MYO1D: variants seen among roughly 807,000 people sequenced by gnomAD.
MYO1D encodes myosin ID.
In MYO1D, 83 loss-of-function variants were observed where a neutral mutation model predicts 122.0. The observed-to-expected ratio is 0.68, with a 90% CI of 0.57 to 0.82. The LOEUF is 0.82. Ranked by LOEUF, MYO1D falls within the 40% of genes least tolerant of loss-of-function variation. The pLI, the probability that MYO1D is intolerant of heterozygous loss-of-function variation, is 0.00. For missense variants in MYO1D, 1,157 were observed against 1,269.5 expected, an observed-to-expected ratio of 0.91 and a Z score of 1.35; for synonymous variants, 464 against 446.9, an observed-to-expected ratio of 1.04 and a Z score of -0.48.
intron 16 of MYO1D, among the ~76,000 whole-genome samples, chr17:32,705,996 A>G (rs1267756494): frequency 6.6e-6 from 1 of 152,208 alleles, no homozygotes; most frequent in Non-Finnish European, 1.5e-5. Context: ...CTGTGAGTCA[A>G]TTAAACCTCT....
At chr17:32,724,689 C>T (rs1352321693) in intron 14 of MYO1D, among the ~76,000 whole-genome samples, 1 of 152,106 alleles carries the variant, frequency 6.6e-6, no homozygotes, top group Non-Finnish European at 1.5e-5. Flanking sequence ...CACAGGTAAA[C>T]CCCTCTCACT....
At chr17:32,635,899 G>T (rs1026386042) in intron 20 of MYO1D, among the ~76,000 whole-genome samples, 4 of 152,072 alleles carry the variant, frequency 2.6e-5, no homozygotes, top group Non-Finnish European at 4.4e-5. Context: ...TTTCCGATTT[G>T]ATTTTGAAAC....
intron 14 of MYO1D, among the ~76,000 whole-genome samples, chr17:32,736,984 C>T (rs1387621065): frequency 6.6e-6 from 1 of 152,106 alleles, no homozygotes; most frequent in Non-Finnish European, 1.5e-5. Context: ...TGCTTATATG[C>T]GGTCACTTGA....
At chr17:32,610,402 T>C in intron 20 of MYO1D, among the ~76,000 whole-genome samples, 1 of 152,244 alleles carries the variant, frequency 6.6e-6, no homozygotes, top group Non-Finnish European at 1.5e-5. Context: ...ACACAAATAA[T>C]GAAAGATTAA....
intron 1 of MYO1D, among the ~76,000 whole-genome samples, chr17:32,847,920 G>T (rs900796810): frequency 6.6e-6 from 1 of 152,152 alleles, no homozygotes; most frequent in African/African-American, 2.4e-5. Context: ...AAGAACCAAA[G>T]ATTGTTTATA....
In MYO1D at chr17:32,775,751, A is replaced by G. The variant is rs2090165435; in HGVS notation, c.564+113T>C. 8.8e-6 allele frequency: 8 copies of G among 908,710 alleles called. No individual in the cohort carries two copies. The South Asian group carries it at 1.4e-4, about 16-fold the overall frequency. The allele number at this position is 908,710 out of a possible 1,614,324, so 56.3% of individuals were successfully genotyped here. A position where few individuals can be genotyped will look rare whatever the true frequency, so the allele number is the denominator to read the frequency against. ...CCTTATCATAAAAAGCTAATGAAGA[A>G]GGGAGAATAGGATTTAAAGCTATTT... is the stretch of plus-strand genomic sequence containing the variant. On this transcript the variant is annotated intron_variant, in intron 4 of 21. Coordinates refer to ENST00000318217, the MANE Select transcript of MYO1D (RefSeq NM_015194.3).
chr17:32,607,827 C>T (rs1241762500), intron 20 of MYO1D, among the ~76,000 whole-genome samples: 2 of 151,850 alleles, frequency 1.3e-5, no homozygotes, highest in Non-Finnish European at 2.9e-5. Context: ...AGATCAGAAA[C>T]AGACTCACGT....
intron 20 of MYO1D, among the ~76,000 whole-genome samples, chr17:32,609,191 T>C (rs2087668305): frequency 6.6e-6 from 1 of 152,248 alleles, no homozygotes; most frequent in African/African-American, 2.4e-5. Context: ...TTTTGATCTC[T>C]AGATATTCTA....
At chr17:32,862,908 G>A (rs2091090136) in intron 1 of MYO1D, 2 of 152,304 alleles carry the variant, frequency 1.3e-5, no homozygotes, top group South Asian at 4.1e-4. Flanking sequence ...ACTCACCTGG[G>A]CACTAAGGAG....
chr17:32,514,317 T>C (rs1449353492), intron 21 of MYO1D, among the ~76,000 whole-genome samples: 1 of 147,100 alleles, frequency 6.8e-6, no homozygotes, highest in African/African-American at 2.5e-5. Context: ...GGTCTTGAAC[T>C]CCTGGGCTCA....
At chr17:32,835,030 C>CA (rs1285873342) in intron 1 of MYO1D, among the ~76,000 whole-genome samples, 1 of 151,966 alleles carries the variant, frequency 6.6e-6, no homozygotes, top group Non-Finnish European at 1.5e-5. Context: ...AACAAACAAA[C>CA]AAAAAACCAC....
At chr17:32,663,822 T>G (rs1273959886) in intron 16 of MYO1D, among the ~76,000 whole-genome samples, 1 of 152,166 alleles carries the variant, frequency 6.6e-6, no homozygotes, top group Non-Finnish European at 1.5e-5. Flanking sequence ...TTTTCAGAAT[T>G]TCCTCCTTGT....
At chr17:32,732,651 G>T (rs1399835137) in intron 14 of MYO1D, among the ~76,000 whole-genome samples, 1 of 152,224 alleles carries the variant, frequency 6.6e-6, no homozygotes, top group African/African-American at 2.4e-5. Flanking sequence ...GCACCTCTTT[G>T]CCTTGCTCAC....
At chr17:32,615,148 A>G (rs558380516) in intron 20 of MYO1D, among the ~76,000 whole-genome samples, 1 of 152,354 alleles carries the variant, frequency 6.6e-6, no homozygotes, top group South Asian at 2.1e-4. Flanking sequence ...AAAATTTGGA[A>G]CAGGAGTAGG....
intron 1 of MYO1D, 65 bp downstream of exon 1, chr17:32,876,713 C>A (rs2091235424): frequency 7.3e-6 from 10 of 1,372,208 alleles, no homozygotes; most frequent in Non-Finnish European, 9.8e-6. Context: ...CCGGCCGCGC[C>A]CCGAGGCGCC....
intron 1 of MYO1D, among the ~76,000 whole-genome samples, chr17:32,812,769 A>G (rs1181443240): frequency 1.3e-5 from 2 of 152,244 alleles, no homozygotes; most frequent in South Asian, 2.1e-4. Flanking sequence ...GCAGCATGTT[A>G]TAACACATTC....
At chr17:32,734,589 A>T (rs2089675801) in intron 14 of MYO1D, 1 of 152,216 alleles carries the variant, frequency 6.6e-6, no homozygotes, top group African/African-American at 2.4e-5. Context: ...TATTCTATAA[A>T]TTCTGACAAA....
At chr17:32,537,270 G>A (rs1256855398) in intron 21 of MYO1D, among the ~76,000 whole-genome samples, 1 of 152,136 alleles carries the variant, frequency 6.6e-6, no homozygotes, top group African/African-American at 2.4e-5. Context: ...TCAGGGGCTG[G>A]GAAACTAAGA....
chr17:32,612,507 C>G (rs2087713888), intron 20 of MYO1D, among the ~76,000 whole-genome samples: 1 of 151,188 alleles, frequency 6.6e-6, no homozygotes, highest in Non-Finnish European at 1.5e-5. Context: ...GGCAACATAG[C>G]AAAAACCCCA....
Sources: allele counts gnomAD v4.1 joint callset (sites outside exome capture counted in the v4.1 genomes callset), GRCh38; gene constraint gnomAD v4.1.1; transcripts MANE v1.5; gene names NCBI Gene and HGNC (gene_info 2026-07-23, HGNC 2026-07-21).